The following POFUT1 variants were observed in gnomAD, a reference collection of about 807,000 sequenced individuals.
POFUT1 encodes GDP-fucose protein O-fucosyltransferase 1.
A neutral mutation model predicts 42.4 loss-of-function variants in POFUT1; 16 were observed. The observed-to-expected ratio is 0.38, with a 90% CI of 0.26 to 0.57. The LOEUF (loss-of-function observed/expected upper bound fraction) is 0.57, where lower values mean the gene tolerates loss of function less well. POFUT1 is among the 20% of genes least tolerant of loss of function. The pLI is 0.71. For missense variants in POFUT1, 470 were observed against 504.6 expected (o/e 0.93, Z 0.66); for synonymous variants, 206 against 205.4 (o/e 1.00, Z -0.03).
At chr20:32,221,784 C>T (rs1025487460) in intron 4 of POFUT1, among the ~76,000 whole-genome samples, 4 of 151,930 alleles carry the variant, frequency 2.6e-5, no homozygotes, top group African/African-American at 9.7e-5. Flanking sequence ...GGGCTCAATT[C>T]TTCCTCCCTA....
intron 4 of POFUT1, among the ~76,000 whole-genome samples, chr20:32,218,745 A>G (rs1288179930): frequency 1.3e-5 from 2 of 152,230 alleles, no homozygotes; most frequent in Non-Finnish European, 2.9e-5. Context: ...AAGAAAGAAA[A>G]AAAAGCCACC....
rs2047478099 is a variant in POFUT1 at position 32,237,568 on chromosome 20, G to T, written c.*2907G>T. On this transcript the variant is annotated 3_prime_UTR_variant, in exon 7 of 7. Transcript: ENST00000375749. ...GAGGCAGGCATAGGCAGGGAACCGA[G>T]CAGCAGGTCAGAGCAGGCGAGCTGA... 2 of 248,624 alleles carry T rather than the reference G, an allele frequency of 8.0e-6. No homozygotes were observed. The highest frequency in any genetic ancestry group is 9.1e-5 in the South Asian group (2 of 21,926). 15.4% of individuals were successfully genotyped at this position (248,624 alleles called of 1,614,324 possible).
At chr20:32,217,005 T>C (rs372596743) in intron 4 of POFUT1, 1 of 1,613,666 alleles carries the variant, frequency 6.2e-7, no homozygotes, top group African/African-American at 1.3e-5. Context: ...TTTCCTCCTC[T>C]AGGCGTGAGA....
chr20:32,215,475 CCTTT>C (rs1490607801), intron 3 of POFUT1, 24 bp downstream of exon 3: 2 of 1,586,324 alleles, frequency 1.3e-6, no homozygotes, highest in East Asian at 4.5e-5. Flanking sequence ...GTTCGGGGGC[CCTTT>C]CTTCCTGTTC....
At position 32,215,328 on chromosome 20, in the gene POFUT1, C is replaced by T; in HGVS notation, c.306C>T (p.Val102=). 1 of 1,614,132 alleles carries T rather than the reference C, an allele frequency of 6.2e-7. No homozygotes were observed. Among genetic ancestry groups the T allele is most frequent in the Admixed American group, 1.7e-5 (1 of 60,022 alleles). The change falls in exon 3 of 7, where the codon GTC becomes GTT. Residue 102 remains valine, a synonymous_variant. Coordinates refer to ENST00000375749, the MANE Select transcript of POFUT1 (RefSeq NM_015352.2). ...AGCCCCTCCAGGCTTACCATCGGGT[C>T]ATCAGCTTGGAGGATTTCATGGAGA... ...KLEPLQAYHR[V]ISLEDFMEKL... is the part of the protein sequence containing the mutation.
intron 3 of POFUT1, among the ~76,000 whole-genome samples, chr20:32,216,055 T>C (rs547484793): frequency 1.1e-3 from 161 of 152,318 alleles, no homozygotes; most frequent in Non-Finnish European, 1.6e-3. Context: ...TCATATCTTA[T>C]TAAAAGAAAT....
In POFUT1 at chr20:32,234,635, C is replaced by T. The variant is rs2047460188; in HGVS notation, c.1141C>T (p.Pro381Ser). 2 of 1,611,608 alleles carry T rather than the reference C, an allele frequency of 1.2e-6. No homozygotes were observed. The highest frequency in any genetic ancestry group is 8.5e-7 in the Non-Finnish European group (1 of 1,178,662). The change falls in exon 7 of 7, where the codon CCC (proline) becomes TCC (serine). Residue 381 changes from proline to serine, a missense_variant. By Grantham distance (74) the Pro-to-Ser change is moderately conservative. Transcript: ENST00000375749. ...RPSSFFGMDRPPKLRDEF is the reference protein window; with the variant it reads ...RPSSFFGMDRSPKLRDEF ...GTCTTCTTTCTTCGGCATGGACAGG[C>T]CCCCTAAGCTGCGGGACGAGTTCTG...
intron 2 of POFUT1, among the ~76,000 whole-genome samples, chr20:32,212,280 CT>C (rs879826882): frequency 2.9e-4 from 42 of 146,622 alleles, no homozygotes; most frequent in Admixed American, 4.1e-4. Context: ...TTTCTTTTTT[CT>C]TTTTTTTTTT....
Position 32,210,103 on chromosome 20 carries a change from G to A in POFUT1, c.157G>A (p.Gly53Ser). Residue 53 changes from glycine (G) to serine (S), a missense_variant, in exon 2 of 7, where the codon GGC becomes AGC. Gly to Ser is a moderately conservative substitution (Grantham distance 56). Coordinates refer to ENST00000375749, the MANE Select transcript of POFUT1 (RefSeq NM_015352.2). ...TGGGAACCAGGCCGATCACTTCTTG[G>A]GCTCTCTGGCATTTGCAAAGCTGCT... ...RFGNQADHFL[G>S]SLAFAKLLNR... 9 of 1,614,158 alleles carry A rather than the reference G, an allele frequency of 5.6e-6. No individual in the cohort carries two copies. The highest frequency in any genetic ancestry group is 7.6e-6 in the Non-Finnish European group (9 of 1,180,024).
In POFUT1 at chr20:32,216,677, A is replaced by G. The variant is rs2047362488; in HGVS notation, c.498A>G (p.Thr166=). The change falls in exon 4 of 7, where the codon ACA becomes ACG. Residue 166 remains threonine, a synonymous_variant. Coordinates refer to ENST00000375749, the MANE Select transcript of POFUT1 (RefSeq NM_015352.2). ...GTTTCAACAAGTCGGAGCTTTTTAC[A>G]GGCATTTCCTTCAGTGCTTCCTACA... The part of the protein sequence containing the change: ...HVSFNKSELF[T]GISFSASYRE... 1 of 1,613,744 alleles carries G rather than the reference A, an allele frequency of 6.2e-7. No individual in the cohort carries two copies. Among genetic ancestry groups the G allele is most frequent in the Non-Finnish European group, 8.5e-7 (1 of 1,179,630 alleles).
chr20:32,215,601 G>A (rs1017352812), intron 3 of POFUT1, 150 bp downstream of exon 3: 46 of 677,382 alleles, frequency 6.8e-5, no homozygotes, highest in African/African-American at 5.5e-4. Context: ...ATTTGTTAGC[G>A]AAGCTGCATC....
chr20:32,211,448 T>C lies in POFUT1; in HGVS notation c.246+1256T>C, dbSNP rs552467797. ...CACCACGCCCAGCTAATTTTTGTAT[T>C]TTTAGTAGAGACAGGGTTTCACCAT... is the stretch of plus-strand genomic sequence containing the variant. On this transcript the variant is annotated intron_variant, in intron 2 of 6. Transcript: ENST00000375749. Among the ~76,000 whole-genome samples, 10 of 152,248 alleles carry C rather than the reference T, an allele frequency of 6.6e-5. No individual in the cohort carries two copies. In the South Asian group the frequency reaches 2.1e-3, roughly 32 times the overall value.
At chr20:32,216,285 A>G (rs1351674813) in intron 3 of POFUT1, among the ~76,000 whole-genome samples, 2 of 152,146 alleles carry the variant, frequency 1.3e-5, no homozygotes, top group African/African-American at 4.8e-5. Context: ...GGATTAGCCA[A>G]TCTTGAATGT....
intron 4 of POFUT1, 127 bp downstream of exon 4, chr20:32,216,848 G>T: frequency 7.0e-7 from 1 of 1,433,732 alleles, no homozygotes; most frequent in African/African-American, 1.4e-5. Context: ...CAGGTGCTCT[G>T]TCTGTTGAAC....
At chr20:32,220,490 C>A (rs985777032) in intron 4 of POFUT1, among the ~76,000 whole-genome samples, 1 of 152,160 alleles carries the variant, frequency 6.6e-6, no homozygotes, top group Admixed American at 6.5e-5. Flanking sequence ...ACCTGTAATC[C>A]CAGCACTTTG....
intron 4 of POFUT1, chr20:32,222,547 A>G: frequency 1.0e-6 from 1 of 957,754 alleles, no homozygotes; most frequent in Non-Finnish European, 1.2e-6. Flanking sequence ...TAGCTGCAAG[A>G]AGTACTTAGA....
chr20:32,226,452 C>CTGTG (rs33999719), intron 4 of POFUT1, among the ~76,000 whole-genome samples: 9,794 of 147,658 alleles, frequency 0.066, 566 homozygotes, highest in African/African-American at 0.15. Flanking sequence ...GAGTGCATGC[C>CTGTG]TGTGTGTGTG....
At position 32,230,898 on chromosome 20, in the gene POFUT1, G is replaced by C. The variant is rs534939548; in HGVS notation, c.815G>C (p.Arg272Pro). The C allele has an allele frequency of 6.2e-7, 1 of 1,614,168 alleles. No individual in the cohort carries two copies. The highest frequency in any genetic ancestry group is 1.7e-5 in the Admixed American group (1 of 60,016). Residue 272 changes from arginine (R) to proline (P), a missense_variant, in exon 6 of 7, where the codon CGC becomes CCC. Arg to Pro is a moderately radical substitution (Grantham distance 103, BLOSUM62 -2). Coordinates refer to ENST00000375749, the MANE Select transcript of POFUT1 (RefSeq NM_015352.2). ...MASPQCVGYS[R>P]STAAPLTMTM... ...TCTCCGCAGTGTGTGGGCTACAGCC[G>C]CAGCACAGCGGCCCCCCTCACGATG...
At chr20:32,229,950 G>T (rs779081256) in intron 5 of POFUT1, among the ~76,000 whole-genome samples, 2 of 152,098 alleles carry the variant, frequency 1.3e-5, no homozygotes, top group African/African-American at 2.4e-5. Context: ...GCTAATTTTT[G>T]TATTTTTTGT....
Sources: allele counts gnomAD v4.1 joint callset (sites outside exome capture counted in the v4.1 genomes callset), GRCh38; gene constraint gnomAD v4.1.1; transcripts MANE v1.5; gene names NCBI Gene and HGNC (gene_info 2026-07-23, HGNC 2026-07-21).